The following LHFPL3 variants were observed in gnomAD, a reference collection of about 807,000 sequenced individuals.
LHFPL3 encodes the protein LHFPL tetraspan subfamily member 3, also known as LHFPL tetraspan subfamily member 3 protein.
In LHFPL3, 5 loss-of-function variants were observed where a neutral mutation model predicts 19.3. That is an observed-to-expected ratio of 0.26 (90% confidence interval 0.14 to 0.54). The LOEUF (loss-of-function observed/expected upper bound fraction) is 0.54. LHFPL3 is among the 20% of genes least tolerant of loss of function. The probability of loss-of-function intolerance (pLI) is 0.94; values close to 1 mark genes in which losing one functional copy is unlikely to be tolerated. For missense variants in LHFPL3, 249 were observed against 307.4 expected, an observed-to-expected ratio of 0.81 and a Z score of 1.42; for synonymous variants, 133 against 126.2, an observed-to-expected ratio of 1.05 and a Z score of -0.36.
chr7:104,580,623 G>T (rs1054779120), intron 1 of LHFPL3, among the ~76,000 whole-genome samples: 11 of 151,900 alleles, frequency 7.2e-5, no homozygotes, highest in African/African-American at 2.2e-4. Context: ...TGACAAATTG[G>T]CACTCCCCTG....
chr7:104,343,512 C>CAAAAAAAAAAAAAAAAAAAAAAAAAA (rs536122769), intron 1 of LHFPL3, among the ~76,000 whole-genome samples: 1 of 47,474 alleles, frequency 2.1e-5, no homozygotes, highest in Non-Finnish European at 4.2e-5. Flanking sequence ...GACTCTGTCT[C>CAAAAAAAAAAAAAAAAAAAAAAAAAA]AAAAAAAAAA....
At chr7:104,732,081 A>C (rs1047695249) in intron 1 of LHFPL3, among the ~76,000 whole-genome samples, 7 of 152,138 alleles carry the variant, frequency 4.6e-5, no homozygotes, top group Non-Finnish European at 1.0e-4. Context: ...AGTCCACTTG[A>C]TCATGGTGGA....
intron 1 of LHFPL3, among the ~76,000 whole-genome samples, chr7:104,697,376 A>G (rs1793016815): frequency 6.6e-6 from 1 of 152,236 alleles, no homozygotes; most frequent in Admixed American, 6.5e-5. Flanking sequence ...TCTATTTTAA[A>G]TTGGCAAGAA....
intron 1 of LHFPL3, among the ~76,000 whole-genome samples, chr7:104,520,743 T>C (rs1794040383): frequency 7.4e-6 from 1 of 135,094 alleles, no homozygotes; most frequent in African/African-American, 2.8e-5. Flanking sequence ...GTAGAGGTGT[T>C]TGTAGTATTC....
intron 1 of LHFPL3, among the ~76,000 whole-genome samples, chr7:104,406,517 G>C (rs1015838815): frequency 2.6e-5 from 4 of 152,156 alleles, no homozygotes; most frequent in Admixed American, 1.3e-4. Context: ...CCATTTTATT[G>C]AGATATGAAT....
intron 1 of LHFPL3, among the ~76,000 whole-genome samples, chr7:104,632,581 A>G (rs1401227130): frequency 1.3e-5 from 2 of 152,240 alleles, no homozygotes; most frequent in African/African-American, 2.4e-5. Context: ...CTAGTTTTCC[A>G]TATAGCTAAC....
At chr7:104,581,288 T>G (rs1052604738) in intron 1 of LHFPL3, among the ~76,000 whole-genome samples, 3 of 152,134 alleles carry the variant, frequency 2.0e-5, no homozygotes, top group Non-Finnish European at 4.4e-5. Context: ...TGTTAAGCAC[T>G]TTTTCATGTG....
At chr7:104,659,494 G>A (rs747144860) in intron 1 of LHFPL3, among the ~76,000 whole-genome samples, 1 of 152,184 alleles carries the variant, frequency 6.6e-6, no homozygotes, top group Non-Finnish European at 1.5e-5. Flanking sequence ...ACACCTTTCA[G>A]GAGTACTCCA....
chr7:104,693,744 C>T (rs1255018816), intron 1 of LHFPL3, among the ~76,000 whole-genome samples: 1 of 150,722 alleles, frequency 6.6e-6, no homozygotes, highest in Non-Finnish European at 1.5e-5. Flanking sequence ...ACCCTCCTCC[C>T]AAGTAGCTGG....
chr7:104,727,829 C>A (rs769313378), intron 1 of LHFPL3, among the ~76,000 whole-genome samples: 1 of 152,086 alleles, frequency 6.6e-6, no homozygotes. Context: ...TTTTGAATAC[C>A]TGACTAAGGT....
chr7:104,849,842 A>G (rs565711288), intron 2 of LHFPL3, among the ~76,000 whole-genome samples: 77 of 152,342 alleles, frequency 5.1e-4, no homozygotes, highest in African/African-American at 1.5e-3. Context: ...TAGTCAAACA[A>G]GGTGGATCAG....
At chr7:104,701,518 A>G (rs951252525) in intron 1 of LHFPL3, among the ~76,000 whole-genome samples, 1 of 152,226 alleles carries the variant, frequency 6.6e-6, no homozygotes, top group African/African-American at 2.4e-5. Context: ...TTTACTATTC[A>G]TTAAGTGGAA....
At chr7:104,903,218 A>G (rs1258306494) in intron 2 of LHFPL3, among the ~76,000 whole-genome samples, 1 of 152,060 alleles carries the variant, frequency 6.6e-6, no homozygotes, top group Admixed American at 6.6e-5. Flanking sequence ...CTTTTCCTTC[A>G]TCCTGTGATG....
At chr7:104,843,962 A>C (rs935744609) in intron 2 of LHFPL3, among the ~76,000 whole-genome samples, 1 of 151,912 alleles carries the variant, frequency 6.6e-6, no homozygotes, top group African/African-American at 2.4e-5. Context: ...ATTGAGGAAA[A>C]GTGAGGAACT....
At chr7:104,871,187 C>CA (rs369340694) in intron 2 of LHFPL3, among the ~76,000 whole-genome samples, 1 of 152,342 alleles carries the variant, frequency 6.6e-6, no homozygotes, top group East Asian at 1.9e-4. Flanking sequence ...GTCTATTGCA[C>CA]ACCTAGGCTT....
At chr7:104,677,188 C>A (rs573799071) in intron 1 of LHFPL3, among the ~76,000 whole-genome samples, 150 of 151,300 alleles carry the variant, frequency 9.9e-4, no homozygotes, top group Non-Finnish European at 1.3e-3. Context: ...CCAGCCTGGG[C>A]AACACAGTGA....
At chr7:104,763,326 C>T (rs926643181) in intron 2 of LHFPL3, among the ~76,000 whole-genome samples, 1 of 152,188 alleles carries the variant, frequency 6.6e-6, no homozygotes, top group African/African-American at 2.4e-5. Context: ...TAGTGGCTCC[C>T]TTGCAGCTTA....
At chr7:104,762,307 A>G (rs1172129651) in intron 2 of LHFPL3, among the ~76,000 whole-genome samples, 2 of 152,208 alleles carry the variant, frequency 1.3e-5, no homozygotes, top group Non-Finnish European at 2.9e-5. Context: ...TAATGTGACA[A>G]ATAACAGGTG....
chr7:104,350,868 C>T (rs894102567), intron 1 of LHFPL3, among the ~76,000 whole-genome samples: 9 of 151,918 alleles, frequency 5.9e-5, no homozygotes, highest in African/African-American at 1.5e-4. Context: ...GGTGAAACCC[C>T]GTCTATACTA....
Sources: gnomAD v4.1 joint callset for allele counts (sites outside exome capture counted in the v4.1 genomes callset) on GRCh38, gnomAD v4.1.1 for gene constraint, MANE v1.5 for transcripts, NCBI Gene and HGNC (gene_info 2026-07-23, HGNC 2026-07-21) for gene names.